Variants in NUDCD3 observed in about 807,000 individuals in gnomAD.
NUDCD3 encodes the protein nudC domain-containing protein 3.
Under a neutral mutation model 39.7 loss-of-function variants are expected in NUDCD3, and 13 were observed. That is an observed-to-expected ratio of 0.33 (90% CI 0.21 to 0.52). The LOEUF (loss-of-function observed/expected upper bound fraction) is 0.52. NUDCD3 is among the 20% of genes least tolerant of loss of function. NUDCD3 has a pLI of 0.96. For missense variants in NUDCD3, 453 were observed against 458.1 expected (o/e 0.99, Z 0.10); for synonymous variants, 175 against 172.4 (o/e 1.02, Z -0.12).
At chr7:44,441,594 C>T (rs534771911) in intron 2 of NUDCD3, among the ~76,000 whole-genome samples, 4 of 152,266 alleles carry the variant, frequency 2.6e-5, no homozygotes, top group African/African-American at 9.6e-5. Context: ...CTCTCTGTGC[C>T]ACCCTCGCAG....
chr7:44,468,402 G>T (rs953724218), intron 2 of NUDCD3: 7 of 959,662 alleles, frequency 7.3e-6, no homozygotes, highest in African/African-American at 1.8e-5. Flanking sequence ...GGAGACGAAA[G>T]AATTTGTTTG....
At chr7:44,442,781 C>T (rs1290839204) in intron 2 of NUDCD3, among the ~76,000 whole-genome samples, 1 of 151,350 alleles carries the variant, frequency 6.6e-6, no homozygotes, top group Non-Finnish European at 1.5e-5. Context: ...CTGCAAGCTC[C>T]GCCTCCCGGG....
intron 3 of NUDCD3, among the ~76,000 whole-genome samples, chr7:44,425,215 C>T (rs570926438): frequency 1.3e-5 from 2 of 151,996 alleles, no homozygotes; most frequent in Non-Finnish European, 1.5e-5. Flanking sequence ...ACCTAGATGA[C>T]GGGTTGATAG....
intron 5 of NUDCD3, among the ~76,000 whole-genome samples, chr7:44,391,856 A>G (rs1184685813): frequency 6.6e-6 from 1 of 152,188 alleles, no homozygotes; most frequent in Admixed American, 6.5e-5. Flanking sequence ...CTGACATCAC[A>G]GAGTCTTCAC....
chr7:44,399,736 A>G (rs1798686209), intron 4 of NUDCD3, among the ~76,000 whole-genome samples: 1 of 152,232 alleles, frequency 6.6e-6, no homozygotes, highest in South Asian at 2.1e-4. Context: ...CCACAGCAAC[A>G]GCTCAGAGGC....
chr7:44,422,355 G>GT (rs900569017), intron 3 of NUDCD3, among the ~76,000 whole-genome samples: 377 of 151,898 alleles, frequency 2.5e-3, no homozygotes, highest in African/African-American at 7.5e-3. Context: ...TCCAGGAGCT[G>GT]TTTTTTTTAA....
intron 2 of NUDCD3, among the ~76,000 whole-genome samples, chr7:44,469,884 G>A (rs963710748): frequency 5.9e-5 from 9 of 152,008 alleles, no homozygotes; most frequent in Admixed American, 5.2e-4. Flanking sequence ...AACTGTCAAG[G>A]TCATGAAAAG....
chr7:44,471,104 C>T (rs1279800578), intron 2 of NUDCD3, among the ~76,000 whole-genome samples: 1 of 152,194 alleles, frequency 6.6e-6, no homozygotes, highest in East Asian at 1.9e-4. Context: ...CAAATGGTAC[C>T]CAACAAGTAG....
chr7:44,485,106 A>C lies in NUDCD3; in HGVS notation c.371T>G (p.Leu124Trp). Residue 124 changes from leucine to tryptophan, a missense_variant, in exon 2 of 6, where the codon TTG (leucine) becomes TGG (tryptophan). Transcript: ENST00000355451. ...QEIEIDSTTELDGHQEVEKVQ... is the reference protein window; with the variant it reads ...QEIEIDSTTEWDGHQEVEKVQ... ...TTTCTCTACTTCCTGATGCCCATCC[A>C]ATTCTGTGGTGGAGTCAATCTCTAT... 1.2e-6 allele frequency: 2 copies of C among 1,614,170 alleles called. No individual in the cohort carries two copies. The highest frequency in any genetic ancestry group is 1.3e-5 in the African/African-American group (1 of 75,040).
At chr7:44,485,454 A>G in intron 1 of NUDCD3, 170 bp from the exon 2 acceptor site, 2 of 591,188 alleles carry the variant, frequency 3.4e-6, no homozygotes, top group South Asian at 4.7e-5. Context: ...GCTGACAGGT[A>G]AACAGTGTTT....
chr7:44,419,907 T>G (rs1323440334), intron 3 of NUDCD3, among the ~76,000 whole-genome samples: 1 of 152,012 alleles, frequency 6.6e-6, no homozygotes, highest in Non-Finnish European at 1.5e-5. Context: ...AGCACAAAAA[T>G]GCTGAAAATT....
intron 2 of NUDCD3, among the ~76,000 whole-genome samples, chr7:44,449,997 C>A (rs1799764343): frequency 6.6e-6 from 1 of 151,994 alleles, no homozygotes. Flanking sequence ...GTACTCAGAT[C>A]CAGAATATGC....
chr7:44,407,909 G>A (rs1407751156), intron 3 of NUDCD3, among the ~76,000 whole-genome samples: 1 of 152,108 alleles, frequency 6.6e-6, no homozygotes, highest in Non-Finnish European at 1.5e-5. Context: ...CAGAAATTAT[G>A]ACAGTAATAA....
chr7:44,467,759 C>A (rs1464643415), intron 2 of NUDCD3: 3 of 643,646 alleles, frequency 4.7e-6, no homozygotes, highest in Non-Finnish European at 8.1e-6. Context: ...TTAATCCTTA[C>A]AACAGCCCTT....
intron 2 of NUDCD3, among the ~76,000 whole-genome samples, chr7:44,475,485 C>T (rs1318125564): frequency 6.6e-6 from 1 of 152,150 alleles, no homozygotes; most frequent in Non-Finnish European, 1.5e-5. Context: ...AGGCTGGATA[C>T]AGACACTCAT....
At position 44,379,758 on chromosome 7, in the gene NUDCD3, TG is replaced by T. The variant is rs1339193573; in HGVS notation, c.*6252del. 2.0e-5 allele frequency: 3 copies of T among 152,286 alleles called. No homozygotes were observed. Among genetic ancestry groups the T allele is most frequent in the Non-Finnish European group, 4.4e-5 (3 of 68,178 alleles). The allele number at this position is 152,286 out of a possible 1,614,324, so 9.4% of individuals were successfully genotyped here. Reference sequence around the variant, plus strand: ...CGAGTTTCCCCCACTGCATAGAGCCTGGTGCCAGGGAAGACAGGCTGGACCT... The same window carrying T: ...CGAGTTTCCCCCACTGCATAGAGCCTGTGCCAGGGAAGACAGGCTGGACCT... On this transcript the variant is annotated 3_prime_UTR_variant, in exon 6 of 6. Coordinates refer to ENST00000355451, the MANE Select transcript of NUDCD3 (RefSeq NM_015332.4).
intron 2 of NUDCD3, among the ~76,000 whole-genome samples, chr7:44,465,361 T>G (rs545464848): frequency 4.6e-5 from 7 of 152,088 alleles, no homozygotes; most frequent in African/African-American, 1.7e-4. Flanking sequence ...CCACATGAAG[T>G]GGGAAACTTC....
chr7:44,423,110 C>G (rs542165753), intron 3 of NUDCD3, among the ~76,000 whole-genome samples: 6 of 152,242 alleles, frequency 3.9e-5, no homozygotes, highest in Non-Finnish European at 7.4e-5. Context: ...GCTAAAAACT[C>G]TCAACAAACT....
At chr7:44,426,795 CAAAAAAAAAA>C (rs777817601) in intron 3 of NUDCD3, among the ~76,000 whole-genome samples, 3 of 54,758 alleles carry the variant, frequency 5.5e-5, no homozygotes, top group Admixed American at 2.0e-4. Context: ...GACTCCGTCT[CAAAAAAAAAA>C]AAAAAAAAAA....
Sources: allele counts gnomAD v4.1 joint callset (sites outside exome capture counted in the v4.1 genomes callset), GRCh38; gene constraint gnomAD v4.1.1; transcripts MANE v1.5; gene names NCBI Gene and HGNC (gene_info 2026-07-23, HGNC 2026-07-21).